Variants in GUCY2C observed in about 807,000 individuals in gnomAD.
The protein encoded by GUCY2C is guanylate cyclase 2C.
In GUCY2C, 118 loss-of-function variants were observed where a neutral mutation model predicts 131.1. The observed-to-expected ratio is 0.90, with a 90% CI of 0.78 to 1.05. The LOEUF is 1.05. GUCY2C is among the 50% of genes least tolerant of loss of function. The pLI, the probability that GUCY2C is intolerant of heterozygous loss-of-function variation, is 0.00. For synonymous variants in GUCY2C, 452 were observed against 457.8 expected, an observed-to-expected ratio of 0.99 and a Z score of 0.16; for missense variants, 1,161 against 1,304.4, an observed-to-expected ratio of 0.89 and a Z score of 1.69.
intron 9 of GUCY2C, among the ~76,000 whole-genome samples, chr12:14,670,397 A>G (rs566591655): frequency 2.6e-5 from 4 of 152,150 alleles, no homozygotes; most frequent in Non-Finnish European, 5.9e-5. Context: ...CATGACATTA[A>G]TTAGTTTCTA....
rs373751267 is a variant in GUCY2C at position 14,641,239 on chromosome 12, G to A, written c.1931-20C>T. The stretch of plus-strand genomic sequence containing the variant: ...ACAGGTCTGTAAATGTAGACATTGA[G>A]ATTACAAAGTTGAGGGGGGTGAGTG... On this transcript the variant is annotated intron_variant, in intron 17 of 26. Transcript: ENST00000261170. 25 of 1,611,618 alleles carry A rather than the reference G, an allele frequency of 1.6e-5. No individual in the cohort carries two copies. The South Asian group carries it at 1.9e-4, about 12-fold the overall frequency.
chr12:14,691,607 C>G (rs1050043576), intron 1 of GUCY2C, among the ~76,000 whole-genome samples: 2 of 152,164 alleles, frequency 1.3e-5, no homozygotes, highest in African/African-American at 4.8e-5. Context: ...GCTCCTCTCT[C>G]TTGACCTCCT....
chr12:14,620,405 G>A (rs1055152905), intron 23 of GUCY2C, among the ~76,000 whole-genome samples: 3 of 152,052 alleles, frequency 2.0e-5, no homozygotes, highest in Non-Finnish European at 4.4e-5. Flanking sequence ...AACATTGCCC[G>A]CCCACCTTGC....
At chr12:14,637,435 A>C (rs1447685869) in intron 19 of GUCY2C, among the ~76,000 whole-genome samples, 1 of 152,166 alleles carries the variant, frequency 6.6e-6, no homozygotes, top group African/African-American at 2.4e-5. Context: ...TGGAAAAAAC[A>C]ATCCTAAAAT....
At chr12:14,649,597 T>C (rs1947598442) in intron 15 of GUCY2C, among the ~76,000 whole-genome samples, 3 of 152,134 alleles carry the variant, frequency 2.0e-5, no homozygotes, top group Admixed American at 2.0e-4. Context: ...GTTAATTCTA[T>C]GAATGGAACA....
Position 14,681,544 on chromosome 12 carries a change from T to G in GUCY2C, c.612-67A>C, listed in dbSNP as rs180933597. ...CATGGCCTTTCATGCCTTTCACTTC[T>G]TATTTGCAGATCTATCCTGGGATTT... is the stretch of plus-strand genomic sequence containing the variant. On this transcript the variant is annotated intron_variant, in intron 4 of 26. Transcript: ENST00000261170. 65 of 1,338,668 alleles carry G rather than the reference T, an allele frequency of 4.9e-5. No individual in the cohort carries two copies. In the African/African-American group the frequency reaches 7.3e-4, roughly 15 times the overall value. The allele number at this position is 1,338,668 out of a possible 1,614,324, so 82.9% of individuals were successfully genotyped here. A position where few individuals can be genotyped will look rare whatever the true frequency, so the allele number is the denominator to read the frequency against.
At chr12:14,636,980 C>A (rs1947282756) in intron 19 of GUCY2C, among the ~76,000 whole-genome samples, 1 of 151,718 alleles carries the variant, frequency 6.6e-6, no homozygotes, top group Admixed American at 6.6e-5. Context: ...GTAATCCCTG[C>A]TACTTGGGAG....
At chr12:14,634,671 T>A (rs1189513702) in intron 19 of GUCY2C, among the ~76,000 whole-genome samples, 2 of 152,210 alleles carry the variant, frequency 1.3e-5, no homozygotes, top group Non-Finnish European at 1.5e-5. Flanking sequence ...ATAGACTGGT[T>A]CAATGGATTT....
intron 20 of GUCY2C, among the ~76,000 whole-genome samples, chr12:14,626,340 A>G (rs1189626389): frequency 6.6e-6 from 1 of 152,056 alleles, no homozygotes; most frequent in African/African-American, 2.4e-5. Flanking sequence ...AACAAACAAA[A>G]AGCCCAACTT....
At chr12:14,664,275 C>T (rs7979907) in intron 10 of GUCY2C, among the ~76,000 whole-genome samples, 4,591 of 152,164 alleles carry the variant, frequency 0.03, 249 homozygotes, top group African/African-American at 0.11. Flanking sequence ...CCACTATTGC[C>T]ACTCCCACCA....
At chr12:14,675,759 G>A (rs540884033) in intron 7 of GUCY2C, among the ~76,000 whole-genome samples, 4 of 152,246 alleles carry the variant, frequency 2.6e-5, no homozygotes, top group East Asian at 1.9e-4. Context: ...TATTACCTCC[G>A]GCATGTTGGA....
intron 1 of GUCY2C, among the ~76,000 whole-genome samples, chr12:14,694,252 C>A (rs1036514037): frequency 2.6e-5 from 4 of 152,208 alleles, no homozygotes; most frequent in Admixed American, 1.3e-4. Context: ...TAATGTTCCA[C>A]TGCCTTGTTT....
At position 14,669,728 on chromosome 12, in the gene GUCY2C, C is replaced by A. The variant is rs757682446; in HGVS notation, c.1276G>T (p.Gly426Cys). 5.9e-6 allele frequency: 9 copies of A among 1,513,382 alleles called. No homozygotes were observed. The Admixed American group carries it at 1.6e-4, about 26-fold the overall frequency. The allele number at this position is 1,513,382 out of a possible 1,614,324, so 93.7% of individuals were successfully genotyped here. A position where few individuals can be genotyped will look rare whatever the true frequency, so the allele number is the denominator to read the frequency against. The stretch of plus-strand genomic sequence containing the variant: ...TTCATTAGGGATATCTTACCCCGGC[C>A]TGTAATATCATTAGGAAGTTTAGAG... ...KNSKLPNDIT[G>C]RGPQILMIAV... The change falls in exon 10 of 27, where the codon GGC (glycine) becomes TGC (cysteine). Residue 426 changes from glycine (G) to cysteine (C), a missense_variant. Physicochemically the swap from Gly to Cys is radical, Grantham distance 159. Coordinates refer to ENST00000261170, the MANE Select transcript of GUCY2C (RefSeq NM_004963.4).
intron 1 of GUCY2C, 62 bp downstream of exon 1, chr12:14,696,170 G>A (rs999185188): frequency 5.3e-6 from 7 of 1,315,100 alleles, no homozygotes; most frequent in Non-Finnish European, 7.7e-6. Context: ...TCTTTGCTTA[G>A]CAACATTTTG....
intron 6 of GUCY2C, among the ~76,000 whole-genome samples, chr12:14,678,851 C>CT (rs1478857109): frequency 2.0e-5 from 3 of 152,092 alleles, no homozygotes; most frequent in Non-Finnish European, 2.9e-5. Context: ...TTTGGCACAG[C>CT]TTGTCAGTGG....
chr12:14,652,359 G>A lies in GUCY2C; in HGVS notation c.1534-329C>T, dbSNP rs1947680633. 2.6e-5 allele frequency among the ~76,000 whole-genome samples: 4 copies of A among 151,986 alleles called. No homozygotes were observed. The South Asian group carries it at 6.2e-4, about 24-fold the overall frequency. ...CCGGCTAATTTTTGTATTTTTAGGA[G>A]AAACGGGGTTTTGCCATGTTGGCCG... On this transcript the variant is annotated intron_variant, in intron 13 of 26. Transcript: ENST00000261170.
chr12:14,694,733 T>A (rs1270898041), intron 1 of GUCY2C, among the ~76,000 whole-genome samples: 1 of 152,220 alleles, frequency 6.6e-6, no homozygotes, highest in Non-Finnish European at 1.5e-5. Flanking sequence ...AACTTATTAT[T>A]CATATCTGAA....
chr12:14,641,193 G>T lies in GUCY2C; in HGVS notation c.1957C>A (p.Arg653Ser). The change falls in exon 18 of 27, where the codon CGC (arginine) becomes AGC (serine). Residue 653 changes from arginine to serine, a missense_variant. Coordinates refer to ENST00000261170, the MANE Select transcript of GUCY2C (RefSeq NM_004963.4). ...KDLWTAPEHL[R>S]QANISQKGDV... ...CCTTTCTGAGAGATGTTGGCTTGGC[G>T]GAGGTGCTCTGGAGCTGTCCACAGG... The T allele has an allele frequency of 6.2e-7, 1 of 1,613,580 alleles. No individual in the cohort carries two copies. The highest frequency in any genetic ancestry group is 1.1e-5 in the South Asian group (1 of 91,062).
intron 13 of GUCY2C, 113 bp downstream of exon 13, chr12:14,652,839 A>G: frequency 2.5e-6 from 2 of 785,640 alleles, no homozygotes; most frequent in Non-Finnish European, 4.6e-6. Flanking sequence ...GCCCCTAGGA[A>G]CAGACTGGGG....
Sources: allele counts gnomAD v4.1 joint callset (sites outside exome capture counted in the v4.1 genomes callset), GRCh38; gene constraint gnomAD v4.1.1; transcripts MANE v1.5; gene names NCBI Gene and HGNC (gene_info 2026-07-23, HGNC 2026-07-21).